The following MAGI3 variants were observed in gnomAD, a reference collection of about 807,000 sequenced individuals.
MAGI3 encodes membrane associated guanylate kinase, WW and PDZ domain containing 3.
Under a neutral mutation model 121.8 loss-of-function variants are expected in MAGI3, and 43 were observed. The observed-to-expected ratio is 0.35, with a 90% CI of 0.28 to 0.46. The LOEUF (loss-of-function observed/expected upper bound fraction) is 0.46. Among genes scored for constraint, MAGI3 ranks in the 20% least tolerant of loss-of-function variants. MAGI3 has a pLI of 1.00. For synonymous variants in MAGI3, 553 were observed against 639.3 expected (o/e 0.86, Z 2.04); for missense variants, 1,547 against 1,797.3 (o/e 0.86, Z 2.52).
intron 1 of MAGI3, among the ~76,000 whole-genome samples, chr1:113,539,144 C>CA (rs1646413242): frequency 6.6e-6 from 1 of 152,032 alleles, no homozygotes; most frequent in South Asian, 2.1e-4. Flanking sequence ...CCTGTAATCC[C>CA]AGCACTTTGG....
At chr1:113,456,052 G>A (rs1286355909) in intron 1 of MAGI3, among the ~76,000 whole-genome samples, 6 of 150,566 alleles carry the variant, frequency 4.0e-5, no homozygotes, top group African/African-American at 1.5e-4. Context: ...CCGGGTTCAC[G>A]CCATTCTCCT....
chr1:113,593,636 C>A (rs1035667269), intron 5 of MAGI3, among the ~76,000 whole-genome samples: 5 of 151,930 alleles, frequency 3.3e-5, no homozygotes, highest in African/African-American at 1.2e-4. Context: ...CTTTAATATC[C>A]TTGTATGTCA....
chr1:113,547,357 T>A (rs1425356016), intron 1 of MAGI3, among the ~76,000 whole-genome samples: 2 of 152,176 alleles, frequency 1.3e-5, no homozygotes, highest in East Asian at 3.8e-4. Context: ...TCTTTTTAAA[T>A]TATTCATGTA....
At chr1:113,638,544 G>A (rs879139336) in intron 9 of MAGI3, among the ~76,000 whole-genome samples, 16 of 152,202 alleles carry the variant, frequency 1.1e-4, no homozygotes, top group South Asian at 2.1e-4. Flanking sequence ...GCACAGCAGC[G>A]GATTTTCGTG....
In MAGI3 at chr1:113,529,614, C is replaced by A. The variant is rs1303283948; in HGVS notation, c.317-19901C>A. 2.0e-5 allele frequency among the ~76,000 whole-genome samples: 3 copies of A among 152,228 alleles called. No individual in the cohort carries two copies. The East Asian group carries it at 5.8e-4, about 29-fold the overall frequency. Reference sequence around the variant, plus strand: ...GTGGCAGTACTACAACTCTAACTATCCTTATTTTTTCTTCTATACTGGATG... The same window carrying A: ...GTGGCAGTACTACAACTCTAACTATACTTATTTTTTCTTCTATACTGGATG... On this transcript the variant is annotated intron_variant, in intron 1 of 20. Coordinates refer to ENST00000307546, the MANE Select transcript of MAGI3 (RefSeq NM_001142782.2).
At chr1:113,677,862 C>T (rs1232085513) in intron 19 of MAGI3, among the ~76,000 whole-genome samples, 3 of 152,070 alleles carry the variant, frequency 2.0e-5, no homozygotes, top group Non-Finnish European at 4.4e-5. Context: ...TTTTTTATCA[C>T]ATTTTTAAAG....
chr1:113,681,181 G>C lies in MAGI3; in HGVS notation c.3190-17G>C. The C allele has an allele frequency of 1.9e-6, 3 of 1,609,056 alleles. No individual in the cohort carries two copies. The highest frequency in any genetic ancestry group is 2.5e-6 in the Non-Finnish European group (3 of 1,178,578). The stretch of plus-strand genomic sequence containing the variant: ...ATGCATAGTTTCATGTTGTTCCTGT[G>C]AATGTTCTCTGTCTAGGTTGGTGAC... On this transcript the variant is annotated splice_polypyrimidine_tract_variant and intron_variant, in intron 19 of 20. Coordinates refer to ENST00000307546, the MANE Select transcript of MAGI3 (RefSeq NM_001142782.2).
intron 1 of MAGI3, among the ~76,000 whole-genome samples, chr1:113,471,645 A>G (rs1402497943): frequency 2.6e-5 from 4 of 152,188 alleles, no homozygotes; most frequent in African/African-American, 9.7e-5. Context: ...AGTTTTTATT[A>G]TCATTATCAA....
intron 1 of MAGI3, among the ~76,000 whole-genome samples, chr1:113,420,303 G>T (rs935433743): frequency 6.6e-6 from 1 of 152,068 alleles, no homozygotes; most frequent in Non-Finnish European, 1.5e-5. Flanking sequence ...ATTATAATTT[G>T]GATATGGAAC....
At chr1:113,671,705 T>C (rs760964194) in intron 16 of MAGI3, 29 bp from the exon 17 acceptor site, 2 of 1,607,058 alleles carry the variant, frequency 1.2e-6, no homozygotes, top group Non-Finnish European at 1.7e-6. Flanking sequence ...GTACAAATTC[T>C]TATTTCTATT....
intron 5 of MAGI3, among the ~76,000 whole-genome samples, chr1:113,592,822 C>G (rs1223408567): frequency 1.3e-5 from 2 of 151,938 alleles, no homozygotes; most frequent in African/African-American, 4.8e-5. Flanking sequence ...ACCATCCTGG[C>G]TAACATGGTG....
chr1:113,515,348 G>C (rs1657840416), intron 1 of MAGI3, among the ~76,000 whole-genome samples: 1 of 152,032 alleles, frequency 6.6e-6, no homozygotes, highest in African/African-American at 2.4e-5. Context: ...TGACTAAAGA[G>C]ACTGAGAGAA....
intron 6 of MAGI3, among the ~76,000 whole-genome samples, chr1:113,603,452 T>C (rs1309635802): frequency 1.3e-5 from 2 of 152,174 alleles, no homozygotes; most frequent in Non-Finnish European, 2.9e-5. Flanking sequence ...TCAATCCTAC[T>C]GAAACTATTC....
intron 1 of MAGI3, among the ~76,000 whole-genome samples, chr1:113,520,978 GT>G (rs1347670765): frequency 1.2e-4 from 19 of 152,082 alleles, no homozygotes; most frequent in African/African-American, 4.6e-4. Flanking sequence ...TTATAAAGTG[GT>G]TTATCACAGT....
chr1:113,571,218 T>C (rs1487409228), intron 2 of MAGI3, among the ~76,000 whole-genome samples: 2 of 152,216 alleles, frequency 1.3e-5, no homozygotes, highest in Non-Finnish European at 2.9e-5. Flanking sequence ...TGTGGTGTCA[T>C]GTCTGAGGCC....
At chr1:113,413,502 A>G (rs1465703342) in intron 1 of MAGI3, among the ~76,000 whole-genome samples, 1 of 152,116 alleles carries the variant, frequency 6.6e-6, no homozygotes, top group Non-Finnish European at 1.5e-5. Context: ...GATTGTTCCT[A>G]TCCATGTGCA....
chr1:113,456,092 A>G (rs1654741302), intron 1 of MAGI3, among the ~76,000 whole-genome samples: 1 of 149,058 alleles, frequency 6.7e-6, no homozygotes, highest in Admixed American at 6.7e-5. Context: ...CTGGGACTAC[A>G]GGCGCCCGCC....
At chr1:113,536,271 AG>A (rs1273189346) in intron 1 of MAGI3, among the ~76,000 whole-genome samples, 2 of 152,108 alleles carry the variant, frequency 1.3e-5, no homozygotes, top group Admixed American at 6.6e-5. Flanking sequence ...TTAGAGATAC[AG>A]GGTTTGCCAC....
chr1:113,452,947 G>A (rs1167501863), intron 1 of MAGI3, among the ~76,000 whole-genome samples: 1 of 152,156 alleles, frequency 6.6e-6, no homozygotes, highest in Non-Finnish European at 1.5e-5. Context: ...ACAAGCAAGA[G>A]TGGAATTAAT....
Sources: gnomAD v4.1 joint callset for allele counts (sites outside exome capture counted in the v4.1 genomes callset) on GRCh38, gnomAD v4.1.1 for gene constraint, MANE v1.5 for transcripts, NCBI Gene and HGNC (gene_info 2026-07-23, HGNC 2026-07-21) for gene names.